TAFA1: variants seen among roughly 807,000 people sequenced by gnomAD.
TAFA1 encodes the protein chemokine-like protein TAFA-1.
In TAFA1, 4 loss-of-function variants were observed where a neutral mutation model predicts 18.5. The observed-to-expected ratio is 0.22, with a 90% confidence interval of 0.11 to 0.49. TAFA1 has a LOEUF of 0.49. Among genes scored for constraint, TAFA1 ranks in the 20% least tolerant of loss-of-function variants. The pLI, the probability that TAFA1 is intolerant of heterozygous loss-of-function variation, is 0.98. For missense variants in TAFA1, 147 were observed against 169.0 expected, an observed-to-expected ratio of 0.87 and a Z score of 0.72; for synonymous variants, 56 against 55.2, an observed-to-expected ratio of 1.01 and a Z score of -0.06.
chr3:68,383,530 C>G (rs1311843869), intron 2 of TAFA1, among the ~76,000 whole-genome samples: 1 of 152,038 alleles, frequency 6.6e-6, no homozygotes, highest in Non-Finnish European at 1.5e-5. Context: ...AGGGGTGAAG[C>G]CTACTTGATC....
chr3:68,178,408 C>T (rs922073747), intron 2 of TAFA1, among the ~76,000 whole-genome samples: 1 of 152,004 alleles, frequency 6.6e-6, no homozygotes, highest in African/African-American at 2.4e-5. Context: ...AGACCAAAAA[C>T]GTTATCAAAG....
chr3:68,070,960 T>G (rs1009701408), intron 2 of TAFA1, among the ~76,000 whole-genome samples: 60 of 152,176 alleles, frequency 3.9e-4, no homozygotes, highest in African/African-American at 1.4e-3. Flanking sequence ...CTCTAGGGAG[T>G]TCCAAACTTC....
intron 3 of TAFA1, among the ~76,000 whole-genome samples, chr3:68,474,257 C>T (rs966031900): frequency 1.3e-5 from 2 of 152,072 alleles, no homozygotes; most frequent in Non-Finnish European, 2.9e-5. Context: ...TGTATGTTTC[C>T]AGAGCCTTTA....
At chr3:68,043,575 A>G (rs1349566851) in intron 2 of TAFA1, among the ~76,000 whole-genome samples, 2 of 152,228 alleles carry the variant, frequency 1.3e-5, no homozygotes, top group African/African-American at 4.8e-5. Flanking sequence ...AGAATTTTCT[A>G]TGAGTTCTTT....
intron 2 of TAFA1, among the ~76,000 whole-genome samples, chr3:68,361,600 C>T (rs779737304): frequency 1.3e-5 from 2 of 151,462 alleles, no homozygotes; most frequent in Non-Finnish European, 2.9e-5. Flanking sequence ...ACATGTCCCC[C>T]CTAAGTGTGT....
chr3:68,318,205 C>T (rs1004987436), intron 2 of TAFA1, among the ~76,000 whole-genome samples: 2 of 152,144 alleles, frequency 1.3e-5, no homozygotes, highest in African/African-American at 4.8e-5. Context: ...GTGATGAAAC[C>T]ACCAATACCA....
intron 3 of TAFA1, among the ~76,000 whole-genome samples, chr3:68,494,644 C>A (rs2072513541): frequency 6.6e-6 from 1 of 152,146 alleles, no homozygotes; most frequent in Non-Finnish European, 1.5e-5. Flanking sequence ...GGAAGTCACA[C>A]ATGATGAATT....
intron 2 of TAFA1, among the ~76,000 whole-genome samples, chr3:68,179,485 T>G (rs1045334041): frequency 2.0e-5 from 3 of 152,224 alleles, no homozygotes; most frequent in Admixed American, 2.0e-4. Flanking sequence ...TTGGTCTGCA[T>G]TTTTAAAGAA....
intron 2 of TAFA1, among the ~76,000 whole-genome samples, chr3:68,139,207 A>G (rs1252140650): frequency 6.6e-6 from 1 of 152,182 alleles, no homozygotes; most frequent in Admixed American, 6.5e-5. Flanking sequence ...TCTTGCAAAC[A>G]TTGACATACC....
At chr3:68,116,650 C>A (rs772846787) in intron 2 of TAFA1, among the ~76,000 whole-genome samples, 1 of 152,156 alleles carries the variant, frequency 6.6e-6, no homozygotes, top group African/African-American at 2.4e-5. Flanking sequence ...TTGTCAATAT[C>A]GCATGATACT....
At chr3:68,111,015 C>T (rs1172729971) in intron 2 of TAFA1, among the ~76,000 whole-genome samples, 1 of 152,178 alleles carries the variant, frequency 6.6e-6, no homozygotes, top group East Asian at 1.9e-4. Context: ...AAATCTCAAT[C>T]TCTAACTCTA....
chr3:68,086,614 A>G (rs1015284578), intron 2 of TAFA1, among the ~76,000 whole-genome samples: 3 of 152,222 alleles, frequency 2.0e-5, no homozygotes, highest in South Asian at 4.1e-4. Context: ...GGGATATTTT[A>G]AAAGTATCTT....
chr3:68,352,150 T>A lies in TAFA1; in HGVS notation c.119-65130T>A, dbSNP rs148970185. 4.3e-4 allele frequency among the ~76,000 whole-genome samples: 65 copies of A among 152,078 alleles called. No individual in the cohort carries two copies. The East Asian group carries it at 0.012, about 29-fold the overall frequency. ...CACTAACCACCCTCTTGAGCACTTG[T>A]AGGTAAACAAGTAGGAGCTTGCATA... On this transcript the variant is annotated intron_variant, in intron 2 of 4. Coordinates refer to ENST00000478136, the MANE Select transcript of TAFA1 (RefSeq NM_213609.4).
At chr3:68,304,626 G>T (rs1356417727) in intron 2 of TAFA1, among the ~76,000 whole-genome samples, 1 of 152,108 alleles carries the variant, frequency 6.6e-6, no homozygotes, top group East Asian at 1.9e-4. Flanking sequence ...CATTGTTTCA[G>T]ACTATTATGT....
At chr3:68,499,835 T>A (rs920014393) in intron 3 of TAFA1, among the ~76,000 whole-genome samples, 19 of 148,174 alleles carry the variant, frequency 1.3e-4, no homozygotes, top group Non-Finnish European at 2.8e-4. Context: ...GAAAACCCAA[T>A]TCAAACTGAA....
intron 3 of TAFA1, among the ~76,000 whole-genome samples, chr3:68,452,569 A>G (rs1449857092): frequency 6.6e-6 from 1 of 151,756 alleles, no homozygotes; most frequent in Non-Finnish European, 1.5e-5. Flanking sequence ...TGGTAAGAAC[A>G]TGTCTACTAC....
intron 2 of TAFA1, among the ~76,000 whole-genome samples, chr3:68,329,216 C>CTTTTTTTTTTTCTTTTT (rs2068824314): frequency 1.1e-5 from 1 of 88,988 alleles, no homozygotes. Flanking sequence ...GCCTGGCTGC[C>CTTTTTTTTTTTCTTTTT]TTTTTTTTTT....
At chr3:68,124,470 T>A (rs1399677580) in intron 2 of TAFA1, among the ~76,000 whole-genome samples, 1 of 152,220 alleles carries the variant, frequency 6.6e-6, no homozygotes, top group African/African-American at 2.4e-5. Flanking sequence ...TGTGCATTTG[T>A]GAGGGAAGCC....
chr3:68,030,520 T>C (rs540452897), intron 2 of TAFA1, among the ~76,000 whole-genome samples: 9 of 152,270 alleles, frequency 5.9e-5, no homozygotes, highest in African/African-American at 2.2e-4. Flanking sequence ...CAGTGTTTGG[T>C]TTTCTGTTCC....
Sources: allele counts gnomAD v4.1 joint callset (sites outside exome capture counted in the v4.1 genomes callset), GRCh38; gene constraint gnomAD v4.1.1; transcripts MANE v1.5; gene names NCBI Gene and HGNC (gene_info 2026-07-23, HGNC 2026-07-21).